The following XPO5 variants were observed in gnomAD, a reference collection of about 807,000 sequenced individuals.
The protein encoded by XPO5 is exportin-5.
XPO5 carries 46 observed loss-of-function variants against 160.6 expected under a neutral mutation model. That is an observed-to-expected ratio of 0.29 (90% CI 0.23 to 0.37). XPO5 has a LOEUF of 0.37. Ranked by LOEUF, XPO5 falls within the 10% of genes least tolerant of loss-of-function variation. XPO5 has a pLI of 1.00. For missense variants in XPO5, 1,090 were observed against 1,463.9 expected (o/e 0.74, Z 4.17); for synonymous variants, 537 against 519.3 (o/e 1.03, Z -0.46).
chr6:43,563,830 G>A (rs1268614296), intron 8 of XPO5, among the ~76,000 whole-genome samples: 1 of 152,116 alleles, frequency 6.6e-6, no homozygotes, highest in Non-Finnish European at 1.5e-5. Context: ...GTACTGGGTG[G>A]GTCCAGAGTG....
chr6:43,551,169 T>A (rs1048698435), intron 15 of XPO5, 129 bp downstream of exon 15: 2 of 935,190 alleles, frequency 2.1e-6, no homozygotes, highest in African/African-American at 1.7e-5. Flanking sequence ...GGTGTGAGGA[T>A]CCCTTGAGAC....
chr6:43,572,581 G>A lies in XPO5; in HGVS notation c.228-3C>T, dbSNP rs770224285. On this transcript the variant is annotated splice_region_variant and splice_polypyrimidine_tract_variant and intron_variant, in intron 2 of 31. Coordinates refer to ENST00000265351, the MANE Select transcript of XPO5 (RefSeq NM_020750.3). ...GAGACATGCCGTTCCACCGAAACCT[G>A]ACCACCAAAATGCATAAAGTCAATA... 5.6e-6 allele frequency: 9 copies of A among 1,613,532 alleles called. No individual in the cohort carries two copies. In the Admixed American group the frequency reaches 1.3e-4, roughly 24 times the overall value.
At position 43,528,926 on chromosome 6, in the gene XPO5, G is replaced by A. The variant is rs1344915005; in HGVS notation, c.2678-1C>T. On this transcript the variant is annotated splice_acceptor_variant, in intron 23 of 31. Coordinates refer to ENST00000265351, the MANE Select transcript of XPO5 (RefSeq NM_020750.3). LOFTEE classifies it high-confidence loss of function. ...AGCACCAGAGGCTTTACAAAGACACGTGCTGCAACAAGTTAAGAAATTTTA... is the reference window on the plus strand; with the variant it reads ...AGCACCAGAGGCTTTACAAAGACACATGCTGCAACAAGTTAAGAAATTTTA... 4.3e-6 allele frequency: 7 copies of A among 1,609,802 alleles called. No individual in the cohort carries two copies. The highest frequency in any genetic ancestry group is 1.3e-5 in the African/African-American group (1 of 74,656).
chr6:43,546,508 A>G (rs1481838392), intron 20 of XPO5, 63 bp downstream of exon 20: 2 of 1,515,010 alleles, frequency 1.3e-6, no homozygotes, highest in African/African-American at 1.4e-5. Context: ...TAAACAGACT[A>G]AACTTTTGAA....
intron 10 of XPO5, 75 bp downstream of exon 10, chr6:43,560,846 CAAT>C: frequency 8.5e-7 from 1 of 1,183,004 alleles, no homozygotes; most frequent in South Asian, 1.2e-5. Context: ...ACATGATCTA[CAAT>C]AATATTTCAG....
intron 27 of XPO5, 52 bp from the exon 28 acceptor site, chr6:43,525,973 A>G (rs369063720): frequency 8.1e-6 from 13 of 1,595,654 alleles, no homozygotes; most frequent in African/African-American, 2.7e-5. Flanking sequence ...ACAGAGAAGA[A>G]TATCTTGTTC....
intron 23 of XPO5, chr6:43,529,478 T>C (rs1793820687): frequency 1.1e-5 from 3 of 280,522 alleles, no homozygotes; most frequent in South Asian, 8.8e-5. Flanking sequence ...GGTGTGAACC[T>C]GGGAGGCGAA....
intron 9 of XPO5, chr6:43,561,290 A>T: frequency 2.9e-6 from 1 of 349,776 alleles, no homozygotes; most frequent in South Asian, 4.2e-5. Flanking sequence ...GAAATTACAG[A>T]AAGAAAAAAA....
chr6:43,575,679 C>T, intron 1 of XPO5, 81 bp downstream of exon 1: 1 of 1,307,190 alleles, frequency 7.6e-7, no homozygotes, highest in Admixed American at 1.9e-5. Context: ...CGGGAGACTA[C>T]CCCAGTTACA....
chr6:43,558,675 T>TA, intron 11 of XPO5, 84 bp from the exon 12 acceptor site: 1 of 1,025,674 alleles, frequency 9.7e-7, no homozygotes, highest in Non-Finnish European at 1.4e-6. Flanking sequence ...CAAGCACTTT[T>TA]AATTTATTTA....
At chr6:43,553,237 G>A in intron 14 of XPO5, 136 bp downstream of exon 14, 1 of 1,138,166 alleles carries the variant, frequency 8.8e-7, no homozygotes, top group Non-Finnish European at 1.2e-6. Context: ...AGGAGTTGGA[G>A]GTTACAGAGA....
rs370191269 is a variant in XPO5 at position 43,570,988 on chromosome 6, A to C, written c.307T>G (p.Leu103Val). Residue 103 changes from leucine to valine, a missense_variant, in exon 4 of 32, where the codon TTG becomes GTG. Coordinates refer to ENST00000265351, the MANE Select transcript of XPO5 (RefSeq NM_020750.3). ...TGGTTCTCCTCTTCCAAAATGTTCAATGTTCCCTGAAAAAGAACAAGAGAT... is the reference window on the plus strand; with the variant it reads ...TGGTTCTCCTCTTCCAAAATGTTCACTGTTCCCTGAAAAAGAACAAGAGAT... ...SVMELIANGT[L>V]NILEEENHIK... 9 of 1,609,122 alleles carry C rather than the reference A, an allele frequency of 5.6e-6. No individual in the cohort carries two copies. In the African/African-American group the frequency reaches 1.2e-4, roughly 22 times the overall value.
chr6:43,528,894 A>C lies in XPO5; in HGVS notation c.2709T>G (p.Cys903Trp). 6.2e-7 allele frequency: 1 copy of C among 1,613,564 alleles called. No individual in the cohort carries two copies. The highest frequency in any genetic ancestry group is 8.5e-7 in the Non-Finnish European group (1 of 1,179,820). The change falls in exon 24 of 32, where the codon TGT becomes TGG. Residue 903 changes from cysteine (C) to tryptophan (W), a missense_variant. Transcript: ENST00000265351. ...RVFVKPLVLFCPPEHYEALVS... is the reference protein window; with the variant it reads ...RVFVKPLVLFWPPEHYEALVS... ...CCAGGGCTTCATAGTGCTCTGGGGG[A>C]CAGAAGAGCACCAGAGGCTTTACAA... is the stretch of plus-strand genomic sequence containing the variant.
chr6:43,539,607 T>C (rs1349645586), intron 20 of XPO5: 4 of 1,385,260 alleles, frequency 2.9e-6, no homozygotes, highest in Non-Finnish European at 4.0e-6. Context: ...CGGCCCCGGA[T>C]GCCACTGGCG....
intron 16 of XPO5, 108 bp downstream of exon 16, chr6:43,549,785 C>T: frequency 1.6e-6 from 2 of 1,283,408 alleles, no homozygotes; most frequent in South Asian, 2.7e-5. Flanking sequence ...GATAATCTAC[C>T]ACCCTTACTA....
chr6:43,532,530 C>T (rs934329459), intron 21 of XPO5, among the ~76,000 whole-genome samples: 2 of 152,208 alleles, frequency 1.3e-5, no homozygotes, highest in African/African-American at 2.4e-5. Flanking sequence ...TCCCTGTGCT[C>T]CAGCCACATG....
In XPO5 at chr6:43,523,014, T is replaced by C. The variant is rs546199293; in HGVS notation, c.*854A>G. ...AGTCCTAGGAGAAGACCAGCGGCTT[T>C]GCTAGCTGCTCATCACAGATGTAGC... On this transcript the variant is annotated 3_prime_UTR_variant, in exon 32 of 32. Coordinates refer to ENST00000265351, the MANE Select transcript of XPO5 (RefSeq NM_020750.3). 1.2e-5 allele frequency: 2 copies of C among 163,976 alleles called. No homozygotes were observed. Among genetic ancestry groups the C allele is most frequent in the South Asian group, 3.0e-4 (2 of 6,724 alleles). 10.2% of individuals were successfully genotyped at this position (163,976 alleles called of 1,614,324 possible).
intron 20 of XPO5, chr6:43,539,482 C>T (rs1794561412): frequency 2.5e-6 from 4 of 1,573,218 alleles, no homozygotes. Context: ...GGGACTTGAT[C>T]TTCATGTCCT....
chr6:43,526,615 G>A, intron 27 of XPO5, 70 bp downstream of exon 27: 1 of 1,569,122 alleles, frequency 6.4e-7, no homozygotes. Flanking sequence ...CAAGGAAACT[G>A]ACCTGGTTCA....
Sources: allele counts gnomAD v4.1 joint callset (sites outside exome capture counted in the v4.1 genomes callset), GRCh38; gene constraint gnomAD v4.1.1; transcripts MANE v1.5; gene names NCBI Gene and HGNC (gene_info 2026-07-23, HGNC 2026-07-21).